Variants in PLEKHA8 observed in about 807,000 individuals in gnomAD.
The protein encoded by PLEKHA8 is pleckstrin homology domain-containing family A member 8.
Under a neutral mutation model 68.2 loss-of-function variants are expected in PLEKHA8, and 36 were observed. The ratio of observed to expected loss-of-function variants is 0.53; its 90% CI spans 0.40 to 0.70. The LOEUF is 0.70. Ranked by LOEUF, PLEKHA8 falls within the 30% of genes least tolerant of loss-of-function variation. The probability of loss-of-function intolerance (pLI) is 0.00; values close to 1 mark genes in which losing one functional copy is unlikely to be tolerated. For missense variants in PLEKHA8, 505 were observed against 615.4 expected, an observed-to-expected ratio of 0.82 and a Z score of 1.90; for synonymous variants, 211 against 216.1, an observed-to-expected ratio of 0.98 and a Z score of 0.20.
At chr7:30,117,432 C>A (rs1206909169) in intron 13 of PLEKHA8, among the ~76,000 whole-genome samples, 1 of 152,062 alleles carries the variant, frequency 6.6e-6, no homozygotes, top group African/African-American at 2.4e-5. Context: ...GGGCCAGGCA[C>A]GATGGTTCCT....
At position 30,028,812 on chromosome 7, in the gene PLEKHA8, C is replaced by A. The variant is rs141148064; in HGVS notation, c.40+10C>A. The A allele has an allele frequency of 8.3e-4, 1,046 of 1,264,720 alleles. 11 individuals are homozygous for A. The East Asian group carries it at 0.024, about 29-fold the overall frequency. The allele number at this position is 1,264,720 out of a possible 1,614,324, so 78.3% of individuals were successfully genotyped here. A position where few individuals can be genotyped will look rare whatever the true frequency, so the allele number is the denominator to read the frequency against. On this transcript the variant is annotated intron_variant, in intron 1 of 13. Transcript: ENST00000449726. ...ACCAACTATCTGAGCGGTGAGTGGCCGTGCCGGGCCGGGGGCGCGCCGGGG... is the reference window on the plus strand; with the variant it reads ...ACCAACTATCTGAGCGGTGAGTGGCAGTGCCGGGCCGGGGGCGCGCCGGGG...
At chr7:30,051,342 TGAG>T (rs1792392723) in intron 6 of PLEKHA8, among the ~76,000 whole-genome samples, 1 of 152,182 alleles carries the variant, frequency 6.6e-6, no homozygotes, top group African/African-American at 2.4e-5. Context: ...TTGCAGTTGT[TGAG>T]GTCTTTGCCT....
chr7:30,051,686 C>T (rs541544906), intron 6 of PLEKHA8, among the ~76,000 whole-genome samples: 5 of 152,204 alleles, frequency 3.3e-5, no homozygotes, highest in African/African-American at 1.2e-4. Context: ...AAGGAGTACT[C>T]TCCCTGGCTG....
chr7:30,115,325 C>T (rs1263717835), intron 13 of PLEKHA8, among the ~76,000 whole-genome samples: 1 of 152,038 alleles, frequency 6.6e-6, no homozygotes, highest in African/African-American at 2.4e-5. Context: ...AAATTGGGGA[C>T]ATCCATAGAA....
intron 9 of PLEKHA8, among the ~76,000 whole-genome samples, chr7:30,056,917 T>C (rs1583830081): frequency 1.4e-5 from 2 of 147,306 alleles, no homozygotes; most frequent in East Asian, 3.9e-4. Flanking sequence ...AAATACATAA[T>C]TTTATATATT....
intron 7 of PLEKHA8, among the ~76,000 whole-genome samples, chr7:30,054,227 T>C (rs1215613704): frequency 1.3e-5 from 2 of 152,208 alleles, no homozygotes; most frequent in African/African-American, 4.8e-5. Flanking sequence ...GGAATATGTG[T>C]GTCCGGCAAC....
chr7:30,116,249 T>C (rs1003530021), intron 13 of PLEKHA8, among the ~76,000 whole-genome samples: 15 of 141,396 alleles, frequency 1.1e-4, no homozygotes, highest in African/African-American at 4.0e-4. Flanking sequence ...CGTATACATG[T>C]ACACGTATAC....
intron 9 of PLEKHA8, among the ~76,000 whole-genome samples, chr7:30,056,405 T>C (rs866639075): frequency 1.4e-4 from 20 of 143,608 alleles, no homozygotes; most frequent in African/African-American, 4.8e-4. Context: ...AACACATATA[T>C]ATAACATACA....
chr7:30,095,079 T>G (rs1213862433), downstream of PLEKHA8, among the ~76,000 whole-genome samples: 1 of 152,196 alleles, frequency 6.6e-6, no homozygotes, highest in Non-Finnish European at 1.5e-5. Flanking sequence ...TTTCTAGTTC[T>G]AGATCCCTGA....
chr7:30,044,768 G>T (rs1174386202), intron 1 of PLEKHA8, among the ~76,000 whole-genome samples: 2 of 152,190 alleles, frequency 1.3e-5, no homozygotes, highest in Admixed American at 1.3e-4. Flanking sequence ...TATTAGGAAA[G>T]AAATAGAATA....
chr7:30,063,655 T>C (rs1181117124), intron 12 of PLEKHA8, among the ~76,000 whole-genome samples: 1 of 152,134 alleles, frequency 6.6e-6, no homozygotes, highest in Non-Finnish European at 1.5e-5. Context: ...CCACGTGATT[T>C]CCCGAGTCTG....
Position 30,122,610 on chromosome 7 carries a change from C to T in PLEKHA8, c.1363-6656C>T, listed in dbSNP as rs377481759. Among the ~76,000 whole-genome samples the T allele has an allele frequency of 4.1e-4, 63 of 152,284 alleles. 1 individual carries two copies. The highest frequency in any genetic ancestry group is 1.4e-3 in the African/African-American group (57 of 41,544). ...ATATCTCCATCTCCATAAGACATAACGTTTGTGATGGCTCACTCTGCTCTC... is the reference window on the plus strand; with the variant it reads ...ATATCTCCATCTCCATAAGACATAATGTTTGTGATGGCTCACTCTGCTCTC... On this transcript the variant is annotated intron_variant, in intron 13 of 13. Transcript: ENST00000396257.
Position 30,036,073 on chromosome 7 carries a change from T to C in PLEKHA8, c.40+7271T>C, listed in dbSNP as rs540473311. 7.9e-5 allele frequency among the ~76,000 whole-genome samples: 12 copies of C among 152,044 alleles called. No individual in the cohort carries two copies. The East Asian group carries it at 2.4e-3, about 30-fold the overall frequency. ...GAGTTTGAGACCAGCCTGGCCAACA[T>C]GGTGAAGCCCCGTCTCTACTAAAAA... is the stretch of plus-strand genomic sequence containing the variant. On this transcript the variant is annotated intron_variant, in intron 1 of 13. Coordinates refer to ENST00000449726, the MANE Select transcript of PLEKHA8 (RefSeq NM_001197026.2).
intron 13 of PLEKHA8, among the ~76,000 whole-genome samples, chr7:30,102,382 A>G (rs999538211): frequency 1.3e-5 from 2 of 152,256 alleles, no homozygotes; most frequent in Non-Finnish European, 2.9e-5. Context: ...AAAAAGGTAA[A>G]CATAGAATTA....
intron 1 of PLEKHA8, among the ~76,000 whole-genome samples, chr7:30,041,683 C>A (rs916153518): frequency 6.6e-6 from 1 of 152,132 alleles, no homozygotes; most frequent in Admixed American, 6.6e-5. Context: ...GAGTGAACCA[C>A]GGAGCCCAGC....
At chr7:30,086,598 G>T (rs144696841), downstream of PLEKHA8, among the ~76,000 whole-genome samples, 3 of 151,932 alleles carry the variant, frequency 2.0e-5, no homozygotes, top group East Asian at 3.9e-4. Context: ...ACAGAGTGTG[G>T]CTGTGCATGC....
intron 13 of PLEKHA8, among the ~76,000 whole-genome samples, chr7:30,096,002 A>T (rs1459228782): frequency 1.3e-5 from 2 of 152,198 alleles, no homozygotes; most frequent in Admixed American, 6.5e-5. Flanking sequence ...TGACTTGGCA[A>T]TGCGGGCTCT....
At chr7:30,120,049 T>C (rs1224934018) in intron 13 of PLEKHA8, among the ~76,000 whole-genome samples, 1 of 151,986 alleles carries the variant, frequency 6.6e-6, no homozygotes, top group East Asian at 1.9e-4. Flanking sequence ...CAAACAGTCT[T>C]CTCTGTGCTA....
chr7:30,056,126 G>A (rs1171112475), intron 9 of PLEKHA8, among the ~76,000 whole-genome samples: 1 of 150,148 alleles, frequency 6.7e-6, no homozygotes, highest in African/African-American at 2.4e-5. Flanking sequence ...TGTATTTTTA[G>A]TAGAGACAGG....
Sources: allele counts gnomAD v4.1 joint callset (sites outside exome capture counted in the v4.1 genomes callset), GRCh38; gene constraint gnomAD v4.1.1; transcripts MANE v1.5; gene names NCBI Gene and HGNC (gene_info 2026-07-23, HGNC 2026-07-21).